The following RTL4 variants were observed in gnomAD, a reference collection of about 807,000 sequenced individuals.
The protein encoded by RTL4 is retrotransposon Gag-like protein 4.
In RTL4, 4 loss-of-function variants were observed where a neutral mutation model predicts 5.3. That is an observed-to-expected ratio of 0.75 (90% confidence interval 0.37 to 1.72). The LOEUF (loss-of-function observed/expected upper bound fraction) is 1.72, where lower values mean the gene tolerates loss of function less well. Among genes scored for constraint, RTL4 ranks in the 40% most tolerant of loss-of-function variants. The probability of loss-of-function intolerance (pLI) is 0.04; values close to 1 mark genes in which losing one functional copy is unlikely to be tolerated. For synonymous variants in RTL4, 98 were observed against 87.3 expected (o/e 1.12, Z -0.68); for missense variants, 260 against 227.1 (o/e 1.14, Z -0.93).
the RTL4 span, among the ~76,000 whole-genome samples, chrX:112,205,946 G>A: frequency 8.9e-6 from 1 of 112,061 alleles, no homozygotes; most frequent in African/African-American, 3.2e-5. Context: ...ATAGGTCATG[G>A]TTTTAAATTG....
chrX:112,130,791 G>GTTTTT, the RTL4 span, among the ~76,000 whole-genome samples: 2 of 88,918 alleles, frequency 2.2e-5, no homozygotes, highest in African/African-American at 4.6e-5. Context: ...ATGGGTGTGG[G>GTTTTT]TTTTTTTTTT....
the RTL4 span, among the ~76,000 whole-genome samples, chrX:112,329,511 T>C: frequency 9.0e-6 from 1 of 111,028 alleles, no homozygotes; most frequent in East Asian, 2.8e-4. Flanking sequence ...ATTGTGGCAA[T>C]AATCAATAGC....
At chrX:112,453,846 C>T (rs192720884), upstream of RTL4, among the ~76,000 whole-genome samples, 2 of 111,614 alleles carry the variant, frequency 1.8e-5, no homozygotes, top group Admixed American at 9.5e-5. Context: ...TCACAGATCA[C>T]ATTCTGAGGA....
the RTL4 span, among the ~76,000 whole-genome samples, chrX:112,377,296 A>T: frequency 8.9e-6 from 1 of 111,923 alleles, no homozygotes; most frequent in Non-Finnish European, 1.9e-5. Context: ...TTGTCAGTCA[A>T]AAATGCATTT....
At chrX:112,402,407 T>TGC in the RTL4 span, among the ~76,000 whole-genome samples, 1 of 86,132 alleles carries the variant, frequency 1.2e-5, no homozygotes, top group Non-Finnish European at 2.3e-5. Context: ...TTATTGTGTG[T>TGC]GTGTGTGTGT....
chrX:112,281,097 T>A, the RTL4 span, among the ~76,000 whole-genome samples: 1 of 111,599 alleles, frequency 9.0e-6, no homozygotes, highest in Admixed American at 9.5e-5. Flanking sequence ...TTCTTAAACT[T>A]ATTTCTCCTA....
At chrX:112,107,059 G>A in the RTL4 span, among the ~76,000 whole-genome samples, 1 of 110,865 alleles carries the variant, frequency 9.0e-6, no homozygotes. Flanking sequence ...TGTTGCCTGT[G>A]GTTTTGAGTT....
At chrX:112,122,692 G>A in the RTL4 span, among the ~76,000 whole-genome samples, 1 of 110,452 alleles carries the variant, frequency 9.1e-6, no homozygotes, top group Non-Finnish European at 1.9e-5. Flanking sequence ...AGTAAGACAA[G>A]GTAAAGAAAC....
the RTL4 span, among the ~76,000 whole-genome samples, chrX:112,424,206 G>A: frequency 1.8e-5 from 2 of 111,701 alleles, no homozygotes; most frequent in Non-Finnish European, 3.8e-5. Context: ...AGGACATGCC[G>A]GGAAGAGTGT....
chrX:112,306,845 A>G, the RTL4 span, among the ~76,000 whole-genome samples: 2 of 111,772 alleles, frequency 1.8e-5, no homozygotes, highest in Non-Finnish European at 3.8e-5. Flanking sequence ...TGCAGTGGCC[A>G]CAGCAGGAAG....
At chrX:112,200,855 T>C in the RTL4 span, among the ~76,000 whole-genome samples, 1 of 111,721 alleles carries the variant, frequency 9.0e-6, no homozygotes, top group Non-Finnish European at 1.9e-5. Context: ...TTTGTATTTG[T>C]CAGGGGCAGG....
chrX:112,326,568 G>A, the RTL4 span, among the ~76,000 whole-genome samples: 23,220 of 111,161 alleles, frequency 0.21, 1,839 homozygotes, highest in Admixed American at 0.32. Flanking sequence ...AGGTGGCAGC[G>A]AGGCTGGGGG....
chrX:112,100,256 G>A, the RTL4 span, among the ~76,000 whole-genome samples: 1 of 112,065 alleles, frequency 8.9e-6, no homozygotes, highest in East Asian at 2.8e-4. Flanking sequence ...GCAGACATGA[G>A]ATTGCATCTG....
At chrX:112,445,019 A>T in the RTL4 span, among the ~76,000 whole-genome samples, 1,125 of 111,866 alleles carry the variant, frequency 0.01, 9 homozygotes, top group Middle Eastern at 0.019. Flanking sequence ...TACTTGAGCT[A>T]AGCCTTATTG....
At chrX:112,215,290 C>A in the RTL4 span, among the ~76,000 whole-genome samples, 1 of 111,144 alleles carries the variant, frequency 9.0e-6, no homozygotes, top group Non-Finnish European at 1.9e-5. Context: ...TCTCTTCTAG[C>A]TATTTTGAAA....
chrX:112,127,105 T>C, the RTL4 span, among the ~76,000 whole-genome samples: 1 of 111,719 alleles, frequency 9.0e-6, no homozygotes, highest in South Asian at 3.7e-4. Flanking sequence ...AAGCCAAATA[T>C]ATCATAAGAA....
the RTL4 span, among the ~76,000 whole-genome samples, chrX:112,204,000 T>C: frequency 8.9e-6 from 1 of 112,636 alleles, no homozygotes; most frequent in South Asian, 3.6e-4. Context: ...TAGTATTGCA[T>C]TGTCATTGGA....
the RTL4 span, among the ~76,000 whole-genome samples, chrX:112,231,026 A>G: frequency 2.7e-5 from 3 of 110,606 alleles, no homozygotes; most frequent in Non-Finnish European, 3.8e-5. Flanking sequence ...ACAATGAGAT[A>G]CCATCTCACA....
At chrX:112,127,643 A>G in the RTL4 span, among the ~76,000 whole-genome samples, 9 of 111,946 alleles carry the variant, frequency 8.0e-5, no homozygotes, top group African/African-American at 2.6e-4. Context: ...CTCTGTTTAC[A>G]TATGACATGA....
Sources: gnomAD v4.1 joint callset for allele counts (sites outside exome capture counted in the v4.1 genomes callset) on GRCh38, gnomAD v4.1.1 for gene constraint, MANE v1.5 for transcripts, NCBI Gene and HGNC (gene_info 2026-07-23, HGNC 2026-07-21) for gene names.